Variants in YARS1 observed in about 807,000 individuals in gnomAD.
The protein encoded by YARS1 is tyrosine--tRNA ligase, cytoplasmic.
A neutral mutation model predicts 62.2 loss-of-function variants in YARS1; 36 were observed. The ratio of observed to expected loss-of-function variants is 0.58; its 90% CI spans 0.44 to 0.76. The LOEUF (loss-of-function observed/expected upper bound fraction) is 0.76, where lower values mean the gene tolerates loss of function less well. Ranked by LOEUF, YARS1 falls within the 30% of genes least tolerant of loss-of-function variation. The pLI is 0.00. For missense variants in YARS1, 524 were observed against 639.8 expected (o/e 0.82, Z 1.95); for synonymous variants, 234 against 244.9 (o/e 0.96, Z 0.42).
intron 3 of YARS1, among the ~76,000 whole-genome samples, chr1:32,810,039 G>C (rs905817268): frequency 2.0e-5 from 3 of 150,946 alleles, no homozygotes. Flanking sequence ...CCAGGAGGCA[G>C]AGGGTGCAGT....
intron 4 of YARS1, among the ~76,000 whole-genome samples, chr1:32,804,470 C>T (rs1236692108): frequency 3.3e-5 from 5 of 152,068 alleles, no homozygotes; most frequent in African/African-American, 4.8e-5. Context: ...CTCCTCACTT[C>T]CCAGACGGGG....
In YARS1 at chr1:32,797,909, C is replaced by A. The variant is rs773594454; in HGVS notation, c.511-66G>T. On this transcript the variant is annotated intron_variant, in intron 4 of 12. Transcript: ENST00000373477. ...TTTTTGAGACAGAGTCTCGCTCTGT[C>A]GCCCAGGCTGGAGTGCTGTGGCGTG... 33 of 1,448,954 alleles carry A rather than the reference C, an allele frequency of 2.3e-5. 1 individual carries two copies. The African/African-American group carries it at 4.3e-4, about 19-fold the overall frequency. The allele number at this position is 1,448,954 out of a possible 1,614,324, so 89.8% of individuals were successfully genotyped here. A position where few individuals can be genotyped will look rare whatever the true frequency, so the allele number is the denominator to read the frequency against.
intron 12 of YARS1, among the ~76,000 whole-genome samples, chr1:32,777,907 C>T (rs1012115493): frequency 4.6e-5 from 7 of 152,166 alleles, no homozygotes; most frequent in African/African-American, 1.7e-4. Context: ...TCTTTAATAT[C>T]TCTATGTGGC....
intron 6 of YARS1, chr1:32,790,545 G>C (rs1171705335): frequency 7.0e-6 from 1 of 142,214 alleles, no homozygotes; most frequent in Non-Finnish European, 1.5e-5. Flanking sequence ...AAAAGGGAGA[G>C]AGAAAGGGAA....
intron 4 of YARS1, among the ~76,000 whole-genome samples, chr1:32,802,953 C>G (rs1177267140): frequency 1.3e-5 from 2 of 149,576 alleles, no homozygotes; most frequent in African/African-American, 4.9e-5. Context: ...GCTGGGGTTA[C>G]AGATGCGCGC....
intron 4 of YARS1, among the ~76,000 whole-genome samples, chr1:32,805,911 G>A (rs966471754): frequency 6.6e-6 from 1 of 152,270 alleles, no homozygotes; most frequent in East Asian, 1.9e-4. Flanking sequence ...GCAGTGAGCC[G>A]AGATTTCGCC....
intron 4 of YARS1, among the ~76,000 whole-genome samples, chr1:32,805,892 G>A (rs1469982254): frequency 6.6e-6 from 1 of 152,134 alleles, no homozygotes; most frequent in Non-Finnish European, 1.5e-5. Context: ...AACCCGGGAG[G>A]CGGAGGTTGC....
chr1:32,798,792 G>A (rs530394592), intron 4 of YARS1, among the ~76,000 whole-genome samples: 11 of 152,248 alleles, frequency 7.2e-5, no homozygotes, highest in African/African-American at 2.2e-4. Context: ...CACTGCACCC[G>A]AGCCTGGGAG....
chr1:32,786,388 C>T lies in YARS1; in HGVS notation c.880G>A (p.Asp294Asn), dbSNP rs779432834. The T allele has an allele frequency of 3.7e-6, 6 of 1,614,038 alleles. No homozygotes were observed. The highest frequency in any genetic ancestry group is 5.1e-6 in the Non-Finnish European group (6 of 1,180,002). ...TCAGCAGCAAAGTCCTTTTCCAGGT[C>T]CACGTAAGCTGTGTAGGTTTTGTTT... Reference protein sequence around the residue: ...GGNKTYTAYVDLEKDFAAEVV... With the variant: ...GGNKTYTAYVNLEKDFAAEVV... The change falls in exon 8 of 13, where the codon GAC becomes AAC. Residue 294 changes from aspartate (D) to asparagine (N), a missense_variant. Coordinates refer to ENST00000373477, the MANE Select transcript of YARS1 (RefSeq NM_003680.4).
chr1:32,782,691 A>T (rs958405563), intron 8 of YARS1, 152 bp from the exon 9 acceptor site: 29 of 1,013,622 alleles, frequency 2.9e-5, no homozygotes, highest in Non-Finnish European at 4.0e-5. Flanking sequence ...GGGAAAATAC[A>T]TTCAGAAAGA....
At chr1:32,797,415 C>T (rs1397818356) in intron 5 of YARS1, among the ~76,000 whole-genome samples, 3 of 152,056 alleles carry the variant, frequency 2.0e-5, no homozygotes, top group Non-Finnish European at 4.4e-5. Flanking sequence ...GAAATGCGAA[C>T]CAAATGCTCT....
chr1:32,801,712 C>T (rs1638300128), intron 4 of YARS1, among the ~76,000 whole-genome samples: 1 of 152,234 alleles, frequency 6.6e-6, no homozygotes, highest in South Asian at 2.1e-4. Context: ...AGTCCATCCT[C>T]TCAGACCCTG....
At chr1:32,779,761 G>A in intron 11 of YARS1, 1 of 627,546 alleles carries the variant, frequency 1.6e-6, no homozygotes, top group Non-Finnish European at 2.8e-6. Flanking sequence ...TCTAGGGGAG[G>A]AAGTATAAAA....
At chr1:32,797,166 G>A (rs974537441) in intron 5 of YARS1, among the ~76,000 whole-genome samples, 1 of 149,644 alleles carries the variant, frequency 6.7e-6, no homozygotes, top group African/African-American at 2.5e-5. Flanking sequence ...GAGCCCAGGG[G>A]TTTGAGACCT....
chr1:32,802,902 T>A (rs921536764), intron 4 of YARS1, among the ~76,000 whole-genome samples: 21 of 151,744 alleles, frequency 1.4e-4, no homozygotes, highest in Admixed American at 6.6e-4. Context: ...AATCTCTGCC[T>A]CCTGGGTATA....
Position 32,775,952 on chromosome 1 carries a change from TGGAAGAAGGGG to T in YARS1, c.*18_*28del. On this transcript the variant is annotated 3_prime_UTR_variant, in exon 13 of 13. Coordinates refer to ENST00000373477, the MANE Select transcript of YARS1 (RefSeq NM_003680.4). ...GAAGAGACAGCAGATGACTCAGTGG[TGGAAGAAGGGG>T]GGAAGATGCTGGGCTGGCTAGCTAA... The T allele has an allele frequency of 6.4e-7, 1 of 1,570,830 alleles. No individual in the cohort carries two copies. The highest frequency in any genetic ancestry group is 8.8e-7 in the Non-Finnish European group (1 of 1,141,002).
intron 10 of YARS1, 139 bp from the exon 11 acceptor site, chr1:32,780,417 A>C: frequency 1.1e-6 from 1 of 932,562 alleles, no homozygotes; most frequent in Non-Finnish European, 1.7e-6. Flanking sequence ...CTTTCTTTCC[A>C]CGTCCCAGAC....
chr1:32,781,654 G>C (rs1421990604), intron 9 of YARS1: 2 of 172,470 alleles, frequency 1.2e-5, no homozygotes, highest in Non-Finnish European at 1.2e-5. Context: ...ACGCACAAGT[G>C]GATGGCCAAC....
intron 5 of YARS1, among the ~76,000 whole-genome samples, chr1:32,791,726 C>T (rs900649093): frequency 2.6e-5 from 4 of 152,030 alleles, no homozygotes; most frequent in African/African-American, 9.7e-5. Flanking sequence ...CACTTGAACC[C>T]GGGAGGCGGA....
Sources: gnomAD v4.1 joint callset for allele counts (sites outside exome capture counted in the v4.1 genomes callset) on GRCh38, gnomAD v4.1.1 for gene constraint, MANE v1.5 for transcripts, NCBI Gene and HGNC (gene_info 2026-07-23, HGNC 2026-07-21) for gene names.